Variants in SQOR observed in about 807,000 individuals in gnomAD.
SQOR encodes sulfide:quinone oxidoreductase, mitochondrial.
A neutral mutation model predicts 48.6 loss-of-function variants in SQOR; 39 were observed. The observed-to-expected ratio is 0.80, with a 90% CI of 0.62 to 1.05. SQOR has a LOEUF of 1.05. Ranked by LOEUF, SQOR falls within the 50% of genes least tolerant of loss-of-function variation. The pLI, the probability that SQOR is intolerant of heterozygous loss-of-function variation, is 0.00. For missense variants in SQOR, 561 were observed against 559.9 expected, an observed-to-expected ratio of 1.00 and a Z score of -0.02; for synonymous variants, 220 against 206.2, an observed-to-expected ratio of 1.07 and a Z score of -0.57.
intron 1 of SQOR, among the ~76,000 whole-genome samples, chr15:45,652,146 T>C (rs570884989): frequency 6.6e-6 from 1 of 152,324 alleles, no homozygotes; most frequent in South Asian, 2.1e-4. Context: ...GGTGCTGGGA[T>C]TACAGGCGTG....
chr15:45,691,094 C>A lies in SQOR; in HGVS notation c.*64C>A. The A allele has an allele frequency of 1.4e-6, 2 of 1,394,788 alleles. No individual in the cohort carries two copies. The highest frequency in any genetic ancestry group is 2.0e-6 in the Non-Finnish European group (2 of 979,774). 86.4% of individuals were successfully genotyped at this position (1,394,788 alleles called of 1,614,324 possible). A position where few individuals can be genotyped will look rare whatever the true frequency, so the allele number is the denominator to read the frequency against. ...GCCAAAACTGCAGTCACTGAATGAC[C>A]AAGAGCAGCACGAAGGACTTGGAAC... On this transcript the variant is annotated 3_prime_UTR_variant, in exon 10 of 10. Coordinates refer to ENST00000260324, the MANE Select transcript of SQOR (RefSeq NM_021199.4).
At chr15:45,675,229 C>T (rs1019709206) in intron 5 of SQOR, among the ~76,000 whole-genome samples, 1 of 152,032 alleles carries the variant, frequency 6.6e-6, no homozygotes, top group Non-Finnish European at 1.5e-5. Context: ...ACTCTTTTCT[C>T]CCAAGTCTTA....
intron 9 of SQOR, 114 bp downstream of exon 9, chr15:45,689,331 C>A: frequency 1.0e-6 from 1 of 999,884 alleles, no homozygotes; most frequent in Non-Finnish European, 1.5e-6. Flanking sequence ...TTCTGTCTTC[C>A]ATGCTCTAGG....
chr15:45,650,302 C>T (rs1008453835), intron 1 of SQOR, among the ~76,000 whole-genome samples: 2 of 152,164 alleles, frequency 1.3e-5, no homozygotes, highest in African/African-American at 2.4e-5. Context: ...CAAGAATCAC[C>T]CTGTGGACCC....
At chr15:45,659,738 T>G (rs1889687031) in intron 2 of SQOR, among the ~76,000 whole-genome samples, 1 of 152,236 alleles carries the variant, frequency 6.6e-6, no homozygotes, top group Non-Finnish European at 1.5e-5. Context: ...CACACTCTAT[T>G]CAAGAATGAC....
intron 1 of SQOR, among the ~76,000 whole-genome samples, chr15:45,655,173 G>A (rs1393808364): frequency 2.0e-5 from 3 of 152,148 alleles, no homozygotes; most frequent in African/African-American, 7.2e-5. Flanking sequence ...CTTAACTCTT[G>A]TATCACTTGG....
At chr15:45,683,856 G>T (rs1477370245) in intron 7 of SQOR, among the ~76,000 whole-genome samples, 1 of 146,120 alleles carries the variant, frequency 6.8e-6, no homozygotes, top group East Asian at 1.9e-4. Flanking sequence ...TATATATTAT[G>T]TGTGTGTGTG....
intron 1 of SQOR, among the ~76,000 whole-genome samples, chr15:45,644,139 GT>G (rs1953940943): frequency 6.6e-6 from 1 of 152,030 alleles, no homozygotes; most frequent in Non-Finnish European, 1.5e-5. Flanking sequence ...CCAGGCTGGA[GT>G]GCAGTGACGC....
chr15:45,674,460 A>G (rs550783675), intron 5 of SQOR, among the ~76,000 whole-genome samples: 30 of 152,074 alleles, frequency 2.0e-4, no homozygotes, highest in African/African-American at 6.5e-4. Flanking sequence ...AAAAAAGTCT[A>G]CTGGAGAGAT....
At position 45,675,718 on chromosome 15, in the gene SQOR, C is replaced by T. The variant is rs531017667; in HGVS notation, c.655-383C>T. ...CCTGGCTGGAACTCAGTTTTGCTCACTGCTGTTCCCTCAGCACCTAGGACA... is the reference window on the plus strand; with the variant it reads ...CCTGGCTGGAACTCAGTTTTGCTCATTGCTGTTCCCTCAGCACCTAGGACA... On this transcript the variant is annotated intron_variant, in intron 5 of 9. Coordinates refer to ENST00000260324, the MANE Select transcript of SQOR (RefSeq NM_021199.4). Among the ~76,000 whole-genome samples the T allele has an allele frequency of 4.6e-5, 7 of 152,250 alleles. No homozygotes were observed. In the South Asian group the frequency reaches 1.5e-3, roughly 32 times the overall value.
At chr15:45,634,225 T>TATATATATATATATATATA (rs1566912034), upstream of SQOR, among the ~76,000 whole-genome samples, 354 of 125,626 alleles carry the variant, frequency 2.8e-3, no homozygotes, top group Middle Eastern at 4.0e-3. Context: ...TATATATATA[T>TATATATATATATATATATA]TCAAAATTCA....
At chr15:45,661,570 A>T (rs1223312540) in intron 2 of SQOR, among the ~76,000 whole-genome samples, 1 of 152,152 alleles carries the variant, frequency 6.6e-6, no homozygotes, top group East Asian at 1.9e-4. Context: ...CTCCTGAGGA[A>T]CCATATCTAG....
In SQOR at chr15:45,689,159, T is replaced by TC. The variant is rs1890276912; in HGVS notation, c.1239dup (p.Met414HisfsTer7). On this transcript the variant is annotated frameshift_variant, in exon 9 of 10. Transcript: ENST00000260324. LOFTEE classifies it high-confidence loss of function. ...CTTTGATCAAAGCAAAGAGCGCCTT[T>TC]CCATGTATCTCATGAAAGCTGACCT... 3.7e-6 allele frequency: 6 copies of TC among 1,614,010 alleles called. No individual in the cohort carries two copies. Among genetic ancestry groups the TC allele is most frequent in the Non-Finnish European group, 5.1e-6 (6 of 1,180,018 alleles).
At chr15:45,681,372 G>A (rs12913151) in intron 6 of SQOR, among the ~76,000 whole-genome samples, 112,471 of 152,144 alleles carry the variant, frequency 0.74, 42,605 homozygotes, top group South Asian at 0.87. Context: ...TCCACCCAAG[G>A]TTATCCTGCA....
intron 1 of SQOR, among the ~76,000 whole-genome samples, chr15:45,648,362 G>A (rs948126863): frequency 6.6e-6 from 1 of 152,070 alleles, no homozygotes; most frequent in Non-Finnish European, 1.5e-5. Flanking sequence ...ATTTTTAGGA[G>A]AGACGGGGTT....
At chr15:45,639,876 T>A (rs1254536381) in intron 1 of SQOR, among the ~76,000 whole-genome samples, 1 of 152,180 alleles carries the variant, frequency 6.6e-6, no homozygotes, top group Non-Finnish European at 1.5e-5. Flanking sequence ...TTTGAATCAT[T>A]GAGTAAGAAA....
chr15:45,690,975 G>A lies in SQOR; in HGVS notation c.1298G>A (p.Gly433Asp), dbSNP rs773758456. 2.5e-6 allele frequency: 4 copies of A among 1,614,086 alleles called. No individual in the cohort carries two copies. In the South Asian group the frequency reaches 4.4e-5, roughly 18 times the overall value. The change falls in exon 10 of 10, where the codon GGT (glycine) becomes GAT (aspartate). Residue 433 changes from glycine (G) to aspartate (D), a missense_variant and splice_region_variant. By Grantham distance (94) the Gly-to-Asp change is moderately conservative. Transcript: ENST00000260324. The stretch of plus-strand genomic sequence containing the variant: ...TTTTTTTGTGTTATTTCTTACAGGG[G>A]TTACTGGGGAGGACCAGCGTTTCTG... ...PFLYWNMMLRGYWGGPAFLRK... is the reference protein window; with the variant it reads ...PFLYWNMMLRDYWGGPAFLRK...
intron 6 of SQOR, among the ~76,000 whole-genome samples, chr15:45,678,528 C>A (rs1243936793): frequency 6.6e-6 from 1 of 151,718 alleles, no homozygotes; most frequent in Non-Finnish European, 1.5e-5. Flanking sequence ...CCAGCTGGCT[C>A]TTGTGTCCCT....
Position 45,642,788 on chromosome 15 carries a change from C to CT in SQOR, c.-18+7690dup, listed in dbSNP as rs778774606. Among the ~76,000 whole-genome samples the CT allele has an allele frequency of 6.6e-4, 100 of 150,708 alleles. No individual in the cohort carries two copies. In the East Asian group the frequency reaches 0.011, roughly 17 times the overall value. On this transcript the variant is annotated intron_variant, in intron 1 of 9. Transcript: ENST00000260324. ...TCAGCTGTCTAGATGTCAACTTTGACTTTTTTTTTTCTTCCAGAAGCCTTT... is the reference window on the plus strand; with the variant it reads ...TCAGCTGTCTAGATGTCAACTTTGACTTTTTTTTTTTCTTCCAGAAGCCTTT...
Sources: gnomAD v4.1 joint callset for allele counts (sites outside exome capture counted in the v4.1 genomes callset) on GRCh38, gnomAD v4.1.1 for gene constraint, MANE v1.5 for transcripts, NCBI Gene and HGNC (gene_info 2026-07-23, HGNC 2026-07-21) for gene names.